Variants in RAB27B observed in about 807,000 individuals in gnomAD.
The protein encoded by RAB27B is RAB27B, member RAS oncogene family, also known as ras-related protein Rab-27B.
A neutral mutation model predicts 24.6 loss-of-function variants in RAB27B; 15 were observed. That is an observed-to-expected ratio of 0.61 (90% CI 0.41 to 0.94). RAB27B has a LOEUF of 0.94. Ranked by LOEUF, RAB27B falls within the 40% of genes least tolerant of loss-of-function variation. The pLI is 0.00. For synonymous variants in RAB27B, 105 were observed against 92.5 expected, an observed-to-expected ratio of 1.14 and a Z score of -0.78; for missense variants, 261 against 266.8, an observed-to-expected ratio of 0.98 and a Z score of 0.15.
At chr18:54,885,954 G>A (rs1467840168) in intron 4 of RAB27B, 1 of 152,548 alleles carries the variant, frequency 6.6e-6, no homozygotes, top group Non-Finnish European at 1.5e-5. Flanking sequence ...TAAGTAACCA[G>A]ACCTCATGAG....
chr18:54,804,906 C>CTCTTTCTTTA (rs1909732457), intron 2 of RAB27B, among the ~76,000 whole-genome samples: 1 of 115,382 alleles, frequency 8.7e-6, no homozygotes, highest in African/African-American at 3.7e-5. Flanking sequence ...TTCTCTCTCT[C>CTCTTTCTTTA]TTTCTTTCTT....
chr18:54,826,405 T>A (rs755034459), upstream of RAB27B, among the ~76,000 whole-genome samples: 1 of 152,166 alleles, frequency 6.6e-6, no homozygotes, highest in African/African-American at 2.4e-5. Flanking sequence ...ACATTTCTCT[T>A]ATGTCTTCCT....
chr18:54,824,303 TC>T (rs534352163), upstream of RAB27B, among the ~76,000 whole-genome samples: 109 of 152,340 alleles, frequency 7.2e-4, no homozygotes, highest in African/African-American at 2.5e-3. Context: ...TTCAGCACAC[TC>T]CGTACCTATT....
At chr18:54,800,562 T>C (rs1417715845) in intron 2 of RAB27B, among the ~76,000 whole-genome samples, 2 of 152,248 alleles carry the variant, frequency 1.3e-5, no homozygotes, top group Non-Finnish European at 2.9e-5. Context: ...ATTCATCTCT[T>C]GCAACTGTTT....
At chr18:54,876,585 C>G (rs1378984982) in intron 1 of RAB27B, among the ~76,000 whole-genome samples, 1 of 151,760 alleles carries the variant, frequency 6.6e-6, no homozygotes, top group Non-Finnish European at 1.5e-5. Context: ...TTGCTCAACT[C>G]AGGAGTGGAG....
At chr18:54,874,441 A>C (rs1438365964) in intron 1 of RAB27B, among the ~76,000 whole-genome samples, 1 of 152,136 alleles carries the variant, frequency 6.6e-6, no homozygotes, top group African/African-American at 2.4e-5. Flanking sequence ...GCTAGACTAG[A>C]ACTTCCATTT....
chr18:54,760,759 G>A (rs572090369), intron 2 of RAB27B, among the ~76,000 whole-genome samples: 2 of 152,286 alleles, frequency 1.3e-5, no homozygotes, highest in African/African-American at 4.8e-5. Flanking sequence ...ATTCTCTTCA[G>A]GCAGAGCTCA....
intron 5 of RAB27B, 113 bp downstream of exon 5, chr18:54,888,231 G>A (rs1409808235): frequency 4.9e-6 from 6 of 1,214,764 alleles, no homozygotes; most frequent in East Asian, 2.5e-5. Flanking sequence ...ACAGCATGTG[G>A]ATTAAAAAGA....
intron 1 of RAB27B, among the ~76,000 whole-genome samples, chr18:54,861,891 T>C (rs1476695627): frequency 1.3e-5 from 2 of 152,182 alleles, no homozygotes; most frequent in East Asian, 3.9e-4. Flanking sequence ...GTCTGCTCAA[T>C]GGACATTGGT....
intron 1 of RAB27B, among the ~76,000 whole-genome samples, chr18:54,874,770 G>A (rs1473377045): frequency 1.3e-5 from 2 of 152,094 alleles, no homozygotes; most frequent in Admixed American, 1.3e-4. Context: ...ATAAATTTAA[G>A]CACTTTCTTT....
chr18:54,746,869 A>G (rs747329720), intron 2 of RAB27B, among the ~76,000 whole-genome samples: 77 of 152,316 alleles, frequency 5.1e-4, no homozygotes, highest in Non-Finnish European at 1.3e-4. Flanking sequence ...CTTGCATTTC[A>G]TAATGATTTG....
upstream of RAB27B, among the ~76,000 whole-genome samples, chr18:54,825,470 T>G (rs1218412709): frequency 2.2e-5 from 2 of 90,872 alleles, no homozygotes; most frequent in African/African-American, 7.2e-5. Context: ...TTTCCATTAG[T>G]CAGAATTTTT....
intron 1 of RAB27B, among the ~76,000 whole-genome samples, chr18:54,852,269 TC>T (rs1204101297): frequency 6.6e-6 from 1 of 152,042 alleles, no homozygotes; most frequent in African/African-American, 2.4e-5. Context: ...ACCCTACAAA[TC>T]CCTACTTATA....
chr18:54,871,014 A>T (rs1406080342), intron 1 of RAB27B, among the ~76,000 whole-genome samples: 2 of 152,244 alleles, frequency 1.3e-5, no homozygotes, highest in East Asian at 3.8e-4. Context: ...GTTTCAAAAG[A>T]TGCAACTAAA....
At chr18:54,809,612 T>G (rs1020845921) in intron 2 of RAB27B, among the ~76,000 whole-genome samples, 2 of 152,214 alleles carry the variant, frequency 1.3e-5, no homozygotes, top group African/African-American at 4.8e-5. Flanking sequence ...AAGGAAAGTT[T>G]TAGCTAATGC....
chr18:54,783,503 G>A lies in RAB27B; in HGVS notation c.-20+65362G>A, dbSNP rs567574757. On this transcript the variant is annotated intron_variant, in intron 2 of 4. Transcript: ENST00000586570. ...GCTTTGTGTGTGTGTGTGTGTGTGT[G>A]TGTGTATGTATAGCATAATACATAG... 4.3e-4 allele frequency among the ~76,000 whole-genome samples: 65 copies of A among 152,102 alleles called. 1 individual carries two copies. In the South Asian group the frequency reaches 0.013, roughly 31 times the overall value.
chr18:54,724,983 C>T (rs551967755), intron 2 of RAB27B, among the ~76,000 whole-genome samples: 3 of 151,600 alleles, frequency 2.0e-5, no homozygotes, highest in Non-Finnish European at 3.0e-5. Context: ...CTTTAGGGCG[C>T]AGTAAGAGAA....
chr18:54,800,001 G>A (rs1340567617), intron 2 of RAB27B, among the ~76,000 whole-genome samples: 1 of 152,142 alleles, frequency 6.6e-6, no homozygotes, highest in South Asian at 2.1e-4. Flanking sequence ...GAAACAATCA[G>A]TAAGGACATC....
At chr18:54,819,593 T>C (rs1371378903) in intron 2 of RAB27B, among the ~76,000 whole-genome samples, 1 of 149,472 alleles carries the variant, frequency 6.7e-6, no homozygotes, top group East Asian at 1.9e-4. Flanking sequence ...ATAAGGTTTA[T>C]TTATTTTTTA....
Sources: gnomAD v4.1 joint callset for allele counts (sites outside exome capture counted in the v4.1 genomes callset) on GRCh38, gnomAD v4.1.1 for gene constraint, MANE v1.5 for transcripts, NCBI Gene and HGNC (gene_info 2026-07-23, HGNC 2026-07-21) for gene names.